HIF3A: variants seen among roughly 807,000 people sequenced by gnomAD.
HIF3A encodes the protein hypoxia inducible factor 3 subunit alpha, also known as hypoxia-inducible factor 3-alpha.
Under a neutral mutation model 67.2 loss-of-function variants are expected in HIF3A, and 41 were observed. The observed-to-expected ratio is 0.61, with a 90% confidence interval of 0.48 to 0.79. HIF3A has a LOEUF of 0.79. HIF3A is among the 30% of genes least tolerant of loss of function. The pLI is 0.00. For synonymous variants in HIF3A, 356 were observed against 374.8 expected, an observed-to-expected ratio of 0.95 and a Z score of 0.58; for missense variants, 855 against 898.0, an observed-to-expected ratio of 0.95 and a Z score of 0.61.
chr19:46,327,072 T>C lies in HIF3A; in HGVS notation c.1440+1433T>C, dbSNP rs538471568. Among the ~76,000 whole-genome samples, 5 of 152,150 alleles carry C rather than the reference T, an allele frequency of 3.3e-5. No individual in the cohort carries two copies. In the South Asian group the frequency reaches 1.0e-3, roughly 32 times the overall value. ...CGGGAGGCTGAGGCCAGAGAATCAC[T>C]TGAACCAGGGAGGCAGAGGTTGCAG... On this transcript the variant is annotated intron_variant, in intron 11 of 14. Transcript: ENST00000377670.
intron 10 of HIF3A, 42 bp from the exon 11 acceptor site, chr19:46,325,493 A>G: frequency 7.1e-7 from 1 of 1,416,466 alleles, no homozygotes; most frequent in Non-Finnish European, 9.9e-7. Flanking sequence ...GATACCTCCC[A>G]GGCTCAAGAT....
At chr19:46,319,160 G>C (rs767856117) in intron 8 of HIF3A, among the ~76,000 whole-genome samples, 3 of 152,176 alleles carry the variant, frequency 2.0e-5, no homozygotes, top group Non-Finnish European at 4.4e-5. Flanking sequence ...TATGCACTCA[G>C]GTGTATGTGA....
chr19:46,321,300 T>C (rs4803929), intron 9 of HIF3A, among the ~76,000 whole-genome samples: 139,472 of 152,186 alleles, frequency 0.92, 63,950 homozygotes, highest in Admixed American at 0.94. Flanking sequence ...AGTTCACACC[T>C]GGGCTGGGAG....
Position 46,314,686 on chromosome 19 carries a change from TAGCTGGGATTAC to T in HIF3A, c.1025+2047_1025+2058del, listed in dbSNP as rs904899895. Among the ~76,000 whole-genome samples, 38 of 146,808 alleles carry T rather than the reference TAGCTGGGATTAC, an allele frequency of 2.6e-4. 2 individuals carry two copies. Among genetic ancestry groups the T allele is most frequent in the Middle Eastern group, 3.5e-3 (1 of 286 alleles). ...AATTCTTCTGCTTCAGCCTCCTGAG[TAGCTGGGATTAC>T]AGCTGGGATTACACCAAGCCCAGCT... On this transcript the variant is annotated intron_variant, in intron 8 of 14. Coordinates refer to ENST00000377670, the MANE Select transcript of HIF3A (RefSeq NM_152795.4).
intron 1 of HIF3A, among the ~76,000 whole-genome samples, chr19:46,301,880 C>T (rs1431733502): frequency 1.3e-5 from 2 of 151,292 alleles, no homozygotes; most frequent in Non-Finnish European, 2.9e-5. Context: ...TGAAATGGCT[C>T]CCTCCTAGGG....
intron 8 of HIF3A, among the ~76,000 whole-genome samples, chr19:46,315,701 G>T (rs1454687335): frequency 6.6e-6 from 1 of 152,052 alleles, no homozygotes; most frequent in Non-Finnish European, 1.5e-5. Flanking sequence ...ATCAGTTGAG[G>T]CCAGGAGTTT....
At chr19:46,328,014 T>C (rs562340864) in intron 11 of HIF3A, among the ~76,000 whole-genome samples, 3 of 152,328 alleles carry the variant, frequency 2.0e-5, no homozygotes, top group Admixed American at 6.5e-5. Flanking sequence ...TTTCATTGCA[T>C]AGGCATGATT....
At chr19:46,324,963 T>TACAC (rs144306130) in intron 10 of HIF3A, among the ~76,000 whole-genome samples, 2 of 133,026 alleles carry the variant, frequency 1.5e-5, no homozygotes, top group African/African-American at 2.8e-5. Context: ...TATATACACA[T>TACAC]ACACACACAC....
chr19:46,313,109 G>A (rs1050071435), intron 8 of HIF3A: 2 of 631,440 alleles, frequency 3.2e-6, no homozygotes, highest in Non-Finnish European at 3.9e-6. Flanking sequence ...AAATTAGCCG[G>A]GTGTGGTGAC....
At chr19:46,326,237 A>G (rs980826932) in intron 11 of HIF3A, among the ~76,000 whole-genome samples, 1 of 152,206 alleles carries the variant, frequency 6.6e-6, no homozygotes, top group Non-Finnish European at 1.5e-5. Flanking sequence ...GAACCTCTAC[A>G]TAGACTCCCT....
chr19:46,331,114 C>G lies in HIF3A; in HGVS notation c.1713-42C>G, dbSNP rs1266588540. 2.0e-6 allele frequency: 3 copies of G among 1,516,340 alleles called. No individual in the cohort carries two copies. The South Asian group carries it at 3.5e-5, about 18-fold the overall frequency. The allele number at this position is 1,516,340 out of a possible 1,614,324, so 93.9% of individuals were successfully genotyped here. On this transcript the variant is annotated intron_variant, in intron 12 of 14. Coordinates refer to ENST00000377670, the MANE Select transcript of HIF3A (RefSeq NM_152795.4). ...GCTTACACTGTTATCCACACTTGCC[C>G]AGGTTTGCTGTGTCCTGAGATTCTT...
rs909521824 is a variant in HIF3A at position 46,298,306 on chromosome 19, G to A, written c.26+1204G>A. 8 of 927,068 alleles carry A rather than the reference G, an allele frequency of 8.6e-6. No individual in the cohort carries two copies. In the Admixed American group the frequency reaches 1.3e-4, roughly 15 times the overall value. 57.4% of individuals were successfully genotyped at this position (927,068 alleles called of 1,614,324 possible). A position where few individuals can be genotyped will look rare whatever the true frequency, so the allele number is the denominator to read the frequency against. Reference sequence around the variant, plus strand: ...CCCCTTTTGGGCCAGCTGTCGTTCCGCCCCTCTCAGCGCCCCCTCCTGGCT... The same window carrying A: ...CCCCTTTTGGGCCAGCTGTCGTTCCACCCCTCTCAGCGCCCCCTCCTGGCT... On this transcript the variant is annotated intron_variant, in intron 1 of 14. Transcript: ENST00000377670.
At chr19:46,327,571 T>C (rs1970882168) in intron 11 of HIF3A, among the ~76,000 whole-genome samples, 1 of 152,098 alleles carries the variant, frequency 6.6e-6, no homozygotes, top group Non-Finnish European at 1.5e-5. Context: ...TCTGGAGGGC[T>C]CCTGCAGTCA....
rs1043250309 is a variant in HIF3A at position 46,297,234 on chromosome 19, C to T, written c.26+132C>T. ...ACGCCCCGGGGCGCGCAGTTGGAGG[C>T]ACATCCCCACCGCACTCTCCACCCT... On this transcript the variant is annotated intron_variant, in intron 1 of 14. Coordinates refer to ENST00000377670, the MANE Select transcript of HIF3A (RefSeq NM_152795.4). This position sits in a 1 kb window ranked among gnomAD's most constrained non-coding sequence, Gnocchi z 4.5. 7.5e-5 allele frequency: 38 copies of T among 505,206 alleles called. No individual in the cohort carries two copies. The South Asian group carries it at 2.7e-3, about 37-fold the overall frequency. 31.3% of individuals were successfully genotyped at this position (505,206 alleles called of 1,614,324 possible). A position where few individuals can be genotyped will look rare whatever the true frequency, so the allele number is the denominator to read the frequency against.
intron 6 of HIF3A, among the ~76,000 whole-genome samples, chr19:46,310,377 A>G (rs967433238): frequency 1.3e-5 from 2 of 152,360 alleles, no homozygotes; most frequent in South Asian, 4.1e-4. Context: ...CCTGGGCAAC[A>G]GAATGAGACA....
At chr19:46,339,217 CA>C (rs1284478965) in intron 14 of HIF3A, among the ~76,000 whole-genome samples, 1 of 151,972 alleles carries the variant, frequency 6.6e-6, no homozygotes, top group Non-Finnish European at 1.5e-5. Context: ...AAAAAAAAAT[CA>C]AATGTTTAGC....
chr19:46,299,362 C>T (rs1010230308), intron 1 of HIF3A, among the ~76,000 whole-genome samples: 1 of 152,224 alleles, frequency 6.6e-6, no homozygotes, highest in Non-Finnish European at 1.5e-5. Context: ...CCCATCTCAC[C>T]CACTTCCTGG....
At chr19:46,307,545 C>T (rs529668869) in intron 3 of HIF3A, among the ~76,000 whole-genome samples, 48 of 152,018 alleles carry the variant, frequency 3.2e-4, no homozygotes, top group Non-Finnish European at 6.6e-4. Context: ...GTCAGGAGTT[C>T]GAGACCAACC....
At position 46,305,229 on chromosome 19, in the gene HIF3A, C is replaced by T. The variant is rs200081573; in HGVS notation, c.218-16C>T. 1 of 1,613,746 alleles carries T rather than the reference C, an allele frequency of 6.2e-7. No individual in the cohort carries two copies. The highest frequency in any genetic ancestry group is 2.2e-5 in the East Asian group (1 of 44,882). On this transcript the variant is annotated splice_polypyrimidine_tract_variant and intron_variant, in intron 2 of 14. Coordinates refer to ENST00000377670, the MANE Select transcript of HIF3A (RefSeq NM_152795.4). ...ACTGACTAGAGATGCCCCCATCCCC[C>T]TGCCCCGGGCACCAGGGGAGTGGAA...
Sources: allele counts gnomAD v4.1 joint callset (sites outside exome capture counted in the v4.1 genomes callset), GRCh38; gene constraint gnomAD v4.1.1; non-coding constraint Gnocchi (gnomAD v3.1); transcripts MANE v1.5; gene names NCBI Gene and HGNC (gene_info 2026-07-23, HGNC 2026-07-21).